Variants in ZNF169 observed in about 807,000 individuals in gnomAD.
ZNF169 encodes the protein zinc finger protein 169.
In ZNF169, 11 loss-of-function variants were observed where a neutral mutation model predicts 12.0. The observed-to-expected ratio is 0.92, with a 90% CI of 0.58 to 1.52. The LOEUF (loss-of-function observed/expected upper bound fraction) is 1.52, where lower values mean the gene tolerates loss of function less well. ZNF169 is among the 40% of genes most tolerant of loss of function. ZNF169 has a pLI of 0.00. For missense variants in ZNF169, 722 were observed against 744.0 expected (o/e 0.97, Z 0.34); for synonymous variants, 302 against 286.5 (o/e 1.05, Z -0.55).
intron 4 of ZNF169, among the ~76,000 whole-genome samples, chr9:94,298,960 G>T (rs564873743): frequency 2.1e-4 from 32 of 152,266 alleles, no homozygotes; most frequent in Admixed American, 1.2e-3. Context: ...TGCTTAAGCC[G>T]AAATATGTAT....
chr9:94,276,839 C>T (rs1830529142), intron 1 of ZNF169, among the ~76,000 whole-genome samples: 1 of 152,092 alleles, frequency 6.6e-6, no homozygotes, highest in African/African-American at 2.4e-5. Flanking sequence ...CACCACAGAA[C>T]GTTTGTATCA....
chr9:94,259,550 G>A (rs1353932087), intron 1 of ZNF169, among the ~76,000 whole-genome samples: 3 of 152,206 alleles, frequency 2.0e-5, no homozygotes, highest in Non-Finnish European at 4.4e-5. Context: ...TCCTCTGGTG[G>A]GGAGGGGGCG....
rs1831079755 is a variant in ZNF169, at chr9:94,301,575, A to G, written c.*205A>G. 1.8e-5 allele frequency: 16 copies of G among 904,938 alleles called. No homozygotes were observed. In the South Asian group the frequency reaches 3.2e-4, roughly 18 times the overall value. The allele number at this position is 904,938 out of a possible 1,614,324, so 56.1% of individuals were successfully genotyped here. On this transcript the variant is annotated 3_prime_UTR_variant, in exon 5 of 5. Transcript: ENST00000395395. ...TACCCCAGGCTGGGTGATTTTGACA[A>G]CGGAAATATATTTTCATATTTATGG... is the stretch of plus-strand genomic sequence containing the variant.
rs1220503961 is a variant in ZNF169 at position 94,301,084 on chromosome 9, CAG to C, written c.1529_1530del (p.Glu510GlyfsTer22). 2 of 1,614,072 alleles carry C rather than the reference CAG, an allele frequency of 1.2e-6. No homozygotes were observed. The highest frequency in any genetic ancestry group is 1.7e-6 in the Non-Finnish European group (2 of 1,180,050). ...CTCACCCGACACCAGAGGACACACT[CAG>C]AGGAGGAGCTTTACGTAGACAGGGT... On this transcript the variant is annotated frameshift_variant, in exon 5 of 5. Transcript: ENST00000395395. LOFTEE classifies it low-confidence loss of function (END_TRUNC).
chr9:94,285,991 A>G (rs1352142783), intron 2 of ZNF169, among the ~76,000 whole-genome samples: 1 of 152,082 alleles, frequency 6.6e-6, no homozygotes, highest in Non-Finnish European at 1.5e-5. Context: ...AGCCTGGGCA[A>G]CAAGAGCGAA....
At chr9:94,287,334 C>G (rs1213264191) in intron 2 of ZNF169, among the ~76,000 whole-genome samples, 1 of 151,880 alleles carries the variant, frequency 6.6e-6, no homozygotes, top group Non-Finnish European at 1.5e-5. Flanking sequence ...ACACTAAATT[C>G]TGAAGGTTGC....
Position 94,300,898 on chromosome 9 carries a change from G to A in ZNF169, c.1340G>A (p.Gly447Glu), listed in dbSNP as rs753139924. 3 of 1,610,496 alleles carry A rather than the reference G, an allele frequency of 1.9e-6. No homozygotes were observed. In the African/African-American group the frequency reaches 4.1e-5, roughly 22 times the overall value. The change falls in exon 5 of 5, where the codon GGA (glycine) becomes GAA (glutamate). Residue 447 changes from glycine to glutamate, a missense_variant. Coordinates refer to ENST00000395395, the MANE Select transcript of ZNF169 (RefSeq NM_194320.4). ...TTTAGCCAGAAGGTCACCCTCATTGGACACCAGAGGACACACACAGGGGAG... is the reference window on the plus strand; with the variant it reads ...TTTAGCCAGAAGGTCACCCTCATTGAACACCAGAGGACACACACAGGGGAG... Reference protein sequence around the residue: ...RGFSQKVTLIGHQRTHTGEKP... With the variant: ...RGFSQKVTLIEHQRTHTGEKP...
chr9:94,276,200 G>A (rs1358364149), intron 1 of ZNF169, among the ~76,000 whole-genome samples: 1 of 152,096 alleles, frequency 6.6e-6, no homozygotes, highest in African/African-American at 2.4e-5. Context: ...ATCTAATCAT[G>A]TGCAGGTTTC....
intron 1 of ZNF169, among the ~76,000 whole-genome samples, chr9:94,277,336 C>G (rs7041842): frequency 0.57 from 86,392 of 151,840 alleles, 24,678 homozygotes; most frequent in Middle Eastern, 0.64. Flanking sequence ...ACTTAAAAGG[C>G]TGCCTGGCTC....
chr9:94,292,718 C>T, intron 3 of ZNF169: 1 of 627,792 alleles, frequency 1.6e-6, no homozygotes, highest in Middle Eastern at 4.3e-4. Flanking sequence ...TGGGCTCCTC[C>T]TCTAAGGTTA....
rs184363417 is a variant in ZNF169, at chr9:94,270,099, A to G, written c.-55-8659A>G. The stretch of plus-strand genomic sequence containing the variant: ...ATGCTTTAAGGCCCAGGAAAGGCCT[A>G]GGCAAAACTCTTGATGGGCTTTTGT... On this transcript the variant is annotated intron_variant, in intron 1 of 4. Transcript: ENST00000395395. Among the ~76,000 whole-genome samples the G allele has an allele frequency of 2.2e-3, 340 of 152,298 alleles. 1 individual carries two copies. Among genetic ancestry groups the G allele is most frequent in the African/African-American group, 7.6e-3 (315 of 41,562 alleles).
chr9:94,292,641 G>GTGTGCA (rs1554715595), intron 3 of ZNF169, 174 bp downstream of exon 3: 12 of 721,214 alleles, frequency 1.7e-5, no homozygotes, highest in African/African-American at 1.0e-4. Flanking sequence ...GTGTGTGTGT[G>GTGTGCA]CGCGTGCACA....
At position 94,301,502 on chromosome 9, in the gene ZNF169, T is replaced by C; in HGVS notation, c.*132T>C. 7.0e-7 allele frequency: 1 copy of C among 1,431,330 alleles called. No individual in the cohort carries two copies. Among genetic ancestry groups the C allele is most frequent in the Middle Eastern group, 2.0e-4 (1 of 5,008 alleles). The allele number at this position is 1,431,330 out of a possible 1,614,324, so 88.7% of individuals were successfully genotyped here. A position where few individuals can be genotyped will look rare whatever the true frequency, so the allele number is the denominator to read the frequency against. On this transcript the variant is annotated 3_prime_UTR_variant, in exon 5 of 5. Coordinates refer to ENST00000395395, the MANE Select transcript of ZNF169 (RefSeq NM_194320.4). ...TGAGATAGTTGATTTTTGGTTTACTTTCTATATTCACAATTTGTCTTGGCT... is the reference window on the plus strand; with the variant it reads ...TGAGATAGTTGATTTTTGGTTTACTCTCTATATTCACAATTTGTCTTGGCT...
intron 1 of ZNF169, among the ~76,000 whole-genome samples, chr9:94,265,954 C>A (rs918413052): frequency 6.6e-6 from 1 of 151,934 alleles, no homozygotes; most frequent in Non-Finnish European, 1.5e-5. Flanking sequence ...GGCATGGTGG[C>A]ACATGCCTGT....
At chr9:94,279,711 T>C (rs1379494393) in intron 2 of ZNF169, among the ~76,000 whole-genome samples, 3 of 152,160 alleles carry the variant, frequency 2.0e-5, no homozygotes, top group African/African-American at 7.2e-5. Context: ...TGGCAGGCTA[T>C]CCCTCACCGT....
chr9:94,292,607 TTGTGTGTGTG>T (rs138361295), intron 3 of ZNF169, 140 bp downstream of exon 3: 2,851 of 674,350 alleles, frequency 4.2e-3, no homozygotes, highest in Middle Eastern at 9.4e-3. Flanking sequence ...CACAGTGCAG[TTGTGTGTGTG>T]TGTGTGTGTG....
intron 2 of ZNF169, among the ~76,000 whole-genome samples, chr9:94,290,494 A>G (rs11788970): frequency 0.012 from 1,858 of 152,112 alleles, 24 homozygotes; most frequent in Non-Finnish European, 0.019. Context: ...GTGGAATCAT[A>G]TATTTGTCCT....
At chr9:94,278,147 G>C (rs553485988) in intron 1 of ZNF169, among the ~76,000 whole-genome samples, 5 of 152,172 alleles carry the variant, frequency 3.3e-5, no homozygotes, top group Admixed American at 1.3e-4. Flanking sequence ...CCTACTTCTC[G>C]CTTCTTAAAA....
At chr9:94,290,319 A>G (rs1830804030) in intron 2 of ZNF169, among the ~76,000 whole-genome samples, 1 of 152,220 alleles carries the variant, frequency 6.6e-6, no homozygotes, top group Admixed American at 6.5e-5. Context: ...AAGTACATTC[A>G]CATTGTTATA....
Sources: allele counts gnomAD v4.1 joint callset (sites outside exome capture counted in the v4.1 genomes callset), GRCh38; gene constraint gnomAD v4.1.1; transcripts MANE v1.5; gene names NCBI Gene and HGNC (gene_info 2026-07-23, HGNC 2026-07-21).